The following CAV3 variants were observed in gnomAD, a reference collection of about 807,000 sequenced individuals.
CAV3 encodes the protein caveolin-3.
A neutral mutation model predicts 13.4 loss-of-function variants in CAV3; 10 were observed. That is an observed-to-expected ratio of 0.75 (90% CI 0.46 to 1.27). The LOEUF is 1.27. CAV3 is among the 50% of genes most tolerant of loss of function. The pLI is 0.00. For missense variants in CAV3, 162 were observed against 194.0 expected, an observed-to-expected ratio of 0.83 and a Z score of 0.98; for synonymous variants, 90 against 79.0, an observed-to-expected ratio of 1.14 and a Z score of -0.74.
In CAV3 at chr3:8,745,558, G is replaced by A. The variant is rs777363173; in HGVS notation, c.147G>A (p.Val49=). The A allele has an allele frequency of 4.2e-5, 68 of 1,614,132 alleles. No homozygotes were observed. The highest frequency in any genetic ancestry group is 5.6e-5 in the Non-Finnish European group (66 of 1,180,006). Residue 49 remains valine, a synonymous_variant, in exon 2 of 2, where the codon GTG becomes GTA. Transcript: ENST00000343849. The surrounding 1 kb of genome is among the most constrained non-coding windows in gnomAD (Gnocchi z 4.8). The part of the protein sequence containing the change: ...VDFEDVIAEP[V]GTYSFDGVWK... ...TTGAAGACGTGATCGCAGAGCCTGT[G>A]GGCACCTACAGCTTTGACGGCGTGT...
At chr3:8,742,598 A>G (rs909502422) in intron 1 of CAV3, 4 of 451,340 alleles carry the variant, frequency 8.9e-6, no homozygotes, top group African/African-American at 6.0e-5. Context: ...GAATCTTCAG[A>G]GCACCTGAAG....
intron 1 of CAV3, among the ~76,000 whole-genome samples, chr3:8,736,585 AGAGGGAGCCCTTGGATCCCTCTGAGCCAG>A (rs1220025591): frequency 6.6e-6 from 1 of 152,210 alleles, no homozygotes; most frequent in East Asian, 1.9e-4. Context: ...TGGTAAGTAC[AGAGGGAGCCCTTGGATCCCTCTGAGCCAG>A]GAGGGAGCCA....
Position 8,733,823 on chromosome 3 carries a change from C to A in CAV3, c.-54C>A. On this transcript the variant is annotated 5_prime_UTR_variant, in exon 1 of 2. Transcript: ENST00000343849. ...GTCTCTCTGCCCCAAGTATTTTCAG[C>A]CCCAGCCGGCCACACAGCTCGGATC... The A allele has an allele frequency of 2.7e-6, 3 of 1,103,620 alleles. No individual in the cohort carries two copies. The highest frequency in any genetic ancestry group is 2.5e-5 in the South Asian group (2 of 79,066). 68.4% of individuals were successfully genotyped at this position (1,103,620 alleles called of 1,614,324 possible).
chr3:8,734,746 T>C (rs1370530461), intron 1 of CAV3, among the ~76,000 whole-genome samples: 2 of 151,942 alleles, frequency 1.3e-5, no homozygotes, highest in Non-Finnish European at 2.9e-5. Flanking sequence ...TTTGAGACAG[T>C]CTCTCTCTGT....
intron 1 of CAV3, among the ~76,000 whole-genome samples, chr3:8,744,426 C>T (rs1252532721): frequency 6.6e-6 from 1 of 151,302 alleles, no homozygotes; most frequent in Non-Finnish European, 1.5e-5. Context: ...CTACAGACAC[C>T]CGCTGCCATA....
At chr3:8,742,372 A>AAAAAAAG in intron 1 of CAV3, 3 of 345,884 alleles carry the variant, frequency 8.7e-6, no homozygotes, top group South Asian at 6.7e-5. Context: ...AAAAAAAAAA[A>AAAAAAAG]AAGAAGAAGA....
At position 8,745,498 on chromosome 3, in the gene CAV3, T is replaced by C. The variant is rs890779080; in HGVS notation, c.115-28T>C. 1.3e-6 allele frequency: 2 copies of C among 1,581,666 alleles called. No homozygotes were observed. The highest frequency in any genetic ancestry group is 2.7e-5 in the African/African-American group (2 of 74,044). The stretch of plus-strand genomic sequence containing the variant: ...TTGAGAAGCGGGTGGCTTCTGTGAG[T>C]TGAGGCTTCCCCTTGCCACCCCTGC... On this transcript the variant is annotated intron_variant, in intron 1 of 1. Coordinates refer to ENST00000343849, the MANE Select transcript of CAV3 (RefSeq NM_033337.3). The surrounding 1 kb of genome is among the most constrained non-coding windows in gnomAD (Gnocchi z 4.8).
intron 1 of CAV3, among the ~76,000 whole-genome samples, chr3:8,742,925 A>G (rs237881): frequency 0.53 from 80,886 of 152,068 alleles, 23,042 homozygotes; most frequent in African/African-American, 0.75. Flanking sequence ...TCATGGTTCT[A>G]CAGGCTGTAT....
In CAV3 at chr3:8,745,971, G is replaced by A. The variant is rs1162958015; in HGVS notation, c.*104G>A. The A allele has an allele frequency of 4.4e-6, 4 of 903,648 alleles. No individual in the cohort carries two copies. In the South Asian group the frequency reaches 6.3e-5, roughly 14 times the overall value. 56.0% of individuals were successfully genotyped at this position (903,648 alleles called of 1,614,324 possible). On this transcript the variant is annotated 3_prime_UTR_variant, in exon 2 of 2. Transcript: ENST00000343849. The surrounding 1 kb of genome is among the most constrained non-coding windows in gnomAD (Gnocchi z 4.8). ...TGCTGGCGAGCTCTTTCTCTTTAGG[G>A]ACTGCTCCATACCCCATGATGGAGC...
At chr3:8,742,355 AACACC>A in intron 1 of CAV3, 1 of 253,930 alleles carries the variant, frequency 3.9e-6, no homozygotes, top group Non-Finnish European at 7.2e-6. Context: ...GGCTTCTGCA[AACACC>A]AAAAAAAAAA....
At chr3:8,734,666 C>T (rs867424383) in intron 1 of CAV3, among the ~76,000 whole-genome samples, 2 of 152,326 alleles carry the variant, frequency 1.3e-5, no homozygotes, top group Non-Finnish European at 1.5e-5. Context: ...ACTAGCGGCC[C>T]TGCTGCCTCC....
intron 1 of CAV3, among the ~76,000 whole-genome samples, chr3:8,742,780 T>A (rs1268094176): frequency 1.3e-5 from 2 of 152,110 alleles, no homozygotes. Context: ...AGATGGATGA[T>A]AGATGAGCAG....
At chr3:8,739,727 T>C (rs1411858034) in intron 1 of CAV3, among the ~76,000 whole-genome samples, 2 of 152,192 alleles carry the variant, frequency 1.3e-5, no homozygotes, top group African/African-American at 4.8e-5. Context: ...TCCCTTGTTT[T>C]CCCTAAAGAC....
intron 1 of CAV3, among the ~76,000 whole-genome samples, chr3:8,742,780 T>C (rs1268094176): frequency 2.6e-5 from 4 of 152,110 alleles, no homozygotes; most frequent in East Asian, 3.9e-4. Context: ...AGATGGATGA[T>C]AGATGAGCAG....
intron 1 of CAV3, among the ~76,000 whole-genome samples, chr3:8,738,901 A>T (rs943065713): frequency 6.6e-6 from 1 of 152,192 alleles, no homozygotes; most frequent in Non-Finnish European, 1.5e-5. Flanking sequence ...AACAGATAAC[A>T]CTTCGCTGCT....
intron 1 of CAV3, among the ~76,000 whole-genome samples, chr3:8,734,468 C>A (rs985927503): frequency 6.6e-6 from 1 of 152,206 alleles, no homozygotes; most frequent in Non-Finnish European, 1.5e-5. Context: ...CAGAGCACTG[C>A]CCAATATCTG....
rs1183800784 is a variant in CAV3 at position 8,745,059 on chromosome 3, G to C, written c.115-467G>C. 3 of 166,286 alleles carry C rather than the reference G, an allele frequency of 1.8e-5. No homozygotes were observed. Among genetic ancestry groups the C allele is most frequent in the African/African-American group, 7.2e-5 (3 of 41,696 alleles). 10.3% of individuals were successfully genotyped at this position (166,286 alleles called of 1,614,324 possible). On this transcript the variant is annotated intron_variant, in intron 1 of 1. Coordinates refer to ENST00000343849, the MANE Select transcript of CAV3 (RefSeq NM_033337.3). This position sits in a 1 kb window ranked among gnomAD's most constrained non-coding sequence, Gnocchi z 4.8. ...CATAATCTCCAATATTGGAGGTGGG[G>C]CCGGGTGGGAGGTGATCGGATCACA...
chr3:8,742,371 A>AAAG, intron 1 of CAV3: 1 of 352,466 alleles, frequency 2.8e-6, no homozygotes, highest in Non-Finnish European at 5.6e-6. Flanking sequence ...AAAAAAAAAA[A>AAAG]AAAGAAGAAG....
intron 1 of CAV3, among the ~76,000 whole-genome samples, chr3:8,739,130 G>A (rs1707858011): frequency 6.6e-6 from 1 of 152,158 alleles, no homozygotes; most frequent in South Asian, 2.1e-4. Flanking sequence ...TTCACACTGA[G>A]GTATTACAAC....
Sources: gnomAD v4.1 joint callset for allele counts (sites outside exome capture counted in the v4.1 genomes callset) on GRCh38, gnomAD v4.1.1 for gene constraint, Gnocchi (gnomAD v3.1) non-coding constraint, MANE v1.5 for transcripts, NCBI Gene and HGNC (gene_info 2026-07-23, HGNC 2026-07-21) for gene names.